RSPH14: variants seen among roughly 807,000 people sequenced by gnomAD.
RSPH14 encodes the protein rhabdoid tumor deletion region gene 1.
Under a neutral mutation model 26.7 loss-of-function variants are expected in RSPH14, and 20 were observed. The ratio of observed to expected loss-of-function variants is 0.75; its 90% CI spans 0.53 to 1.09. The LOEUF (loss-of-function observed/expected upper bound fraction) is 1.09, where lower values mean the gene tolerates loss of function less well. Ranked by LOEUF, RSPH14 falls within the 50% of genes least tolerant of loss-of-function variation. The pLI is 0.00. For missense variants in RSPH14, 449 were observed against 457.2 expected (o/e 0.98, Z 0.16); for synonymous variants, 177 against 189.3 (o/e 0.93, Z 0.53).
the RSPH14 span, among the ~76,000 whole-genome samples, chr22:23,172,648 G>A: frequency 4.9e-3 from 643 of 131,364 alleles, 5 homozygotes; most frequent in African/African-American, 0.018. Flanking sequence ...GCAAGAATCC[G>A]TCTCAAAAAA....
chr22:23,065,418 A>T (rs2146216260), intron 4 of RSPH14, among the ~76,000 whole-genome samples: 1 of 151,964 alleles, frequency 6.6e-6, no homozygotes, highest in African/African-American at 2.4e-5. Context: ...TCACTGTGGT[A>T]TCAGATGGAG....
intron 1 of RSPH14, 94 bp from the exon 2 acceptor site, chr22:23,140,566 AT>A: frequency 1.5e-6 from 2 of 1,335,060 alleles, no homozygotes; most frequent in Non-Finnish European, 2.0e-6. Flanking sequence ...GCAAATGGGT[AT>A]TTTTACTTTC....
chr22:23,128,028 T>C (rs1299925157), intron 4 of RSPH14, among the ~76,000 whole-genome samples: 1 of 152,094 alleles, frequency 6.6e-6, no homozygotes, highest in Non-Finnish European at 1.5e-5. Context: ...ATCATGCTGC[T>C]GCTAAAGCTG....
chr22:23,088,105 T>C (rs1213775556), intron 4 of RSPH14, among the ~76,000 whole-genome samples: 1 of 152,256 alleles, frequency 6.6e-6, no homozygotes, highest in Non-Finnish European at 1.5e-5. Flanking sequence ...AGAAGCAAGA[T>C]GGAGTCAGTT....
chr22:23,158,914 GCT>G, the RSPH14 span: 3 of 1,614,056 alleles, frequency 1.9e-6, no homozygotes, highest in African/African-American at 2.7e-5. Flanking sequence ...GTTGGAGGAT[GCT>G]CTGAGGGAGA....
the RSPH14 span, chr22:23,158,812 C>T: frequency 8.3e-7 from 1 of 1,205,218 alleles, no homozygotes; most frequent in East Asian, 2.4e-5. Context: ...GCACTTCAGC[C>T]CTGGGGAGGT....
intron 4 of RSPH14, among the ~76,000 whole-genome samples, chr22:23,106,229 C>G (rs2069471177): frequency 2.0e-5 from 3 of 152,200 alleles, no homozygotes; most frequent in African/African-American, 7.2e-5. Flanking sequence ...TGGTTGAGAT[C>G]TGGTGAGAGC....
Position 23,135,313 on chromosome 22 carries a change from AAT to A in RSPH14, c.303-1171_303-1170del, listed in dbSNP as rs1225485817. ...ACAGTGAAACCCCGCCTGTACTAAA[AAT>A]ACAAAAAAAAAAAAAAAAAAAAAAA... On this transcript the variant is annotated intron_variant, in intron 3 of 6. Transcript: ENST00000216036. Among the ~76,000 whole-genome samples the A allele has an allele frequency of 2.3e-3, 311 of 135,626 alleles. 1 individual carries two copies. The highest frequency in any genetic ancestry group is 3.1e-3 in the African/African-American group (111 of 36,148). 89.0% of individuals were successfully genotyped at this position (135,626 alleles called of 152,430 possible).
At chr22:23,144,467 T>C (rs947395119), upstream of RSPH14, among the ~76,000 whole-genome samples, 4 of 152,332 alleles carry the variant, frequency 2.6e-5, no homozygotes, top group Non-Finnish European at 5.9e-5. Flanking sequence ...TTGCGTTTAT[T>C]TTATAGTTGA....
chr22:23,135,819 A>C (rs1254641126), intron 3 of RSPH14, among the ~76,000 whole-genome samples: 1 of 152,102 alleles, frequency 6.6e-6, no homozygotes, highest in Non-Finnish European at 1.5e-5. Context: ...TTGATTAACC[A>C]ACTGACTGCT....
the RSPH14 span, among the ~76,000 whole-genome samples, chr22:23,160,464 A>G: frequency 1.3e-5 from 2 of 152,192 alleles, no homozygotes; most frequent in African/African-American, 2.4e-5. Context: ...GCTGACAGCA[A>G]ATCAATCCTC....
the RSPH14 span, among the ~76,000 whole-genome samples, chr22:23,172,736 G>A: frequency 1.3e-5 from 2 of 151,478 alleles, no homozygotes; most frequent in Admixed American, 6.6e-5. Context: ...GGATTGTGAG[G>A]TCAGGAGATC....
intron 4 of RSPH14, among the ~76,000 whole-genome samples, chr22:23,120,144 G>A (rs1016565261): frequency 2.0e-5 from 3 of 152,172 alleles, no homozygotes; most frequent in Admixed American, 6.5e-5. Context: ...ATAAGTACCT[G>A]AGTTTCCATG....
At chr22:23,100,885 C>T (rs886520853) in intron 4 of RSPH14, among the ~76,000 whole-genome samples, 6 of 152,170 alleles carry the variant, frequency 3.9e-5, no homozygotes, top group South Asian at 2.1e-4. Flanking sequence ...TGCCCAAGGC[C>T]GTCCTGTGAA....
At chr22:23,106,019 G>T (rs1057403037) in intron 4 of RSPH14, among the ~76,000 whole-genome samples, 1 of 152,154 alleles carries the variant, frequency 6.6e-6, no homozygotes, top group Non-Finnish European at 1.5e-5. Flanking sequence ...AGGCCCTTTC[G>T]GAGCAAATGC....
intron 4 of RSPH14, among the ~76,000 whole-genome samples, chr22:23,083,641 T>C (rs1321403361): frequency 2.0e-5 from 3 of 151,836 alleles, no homozygotes; most frequent in Non-Finnish European, 2.9e-5. Context: ...ACACAAGCCA[T>C]TGGAGGCGAA....
the RSPH14 span, among the ~76,000 whole-genome samples, chr22:23,171,572 G>A: frequency 8.8e-3 from 1,341 of 152,104 alleles, 10 homozygotes; most frequent in Non-Finnish European, 0.015. Context: ...TGCTGAGCGC[G>A]GTGGCTCACA....
chr22:23,130,131 GAAAGAA>G, intron 4 of RSPH14, among the ~76,000 whole-genome samples: 1 of 103,684 alleles, frequency 9.6e-6, no homozygotes, highest in Non-Finnish European at 2.1e-5. Context: ...AAGAAAGAAA[GAAAGAA>G]AGAAAGAAAG....
chr22:23,178,325 A>T, the RSPH14 span, among the ~76,000 whole-genome samples: 1 of 152,124 alleles, frequency 6.6e-6, no homozygotes, highest in African/African-American at 2.4e-5. Flanking sequence ...CTGAGGCAGC[A>T]GAATCACTTG....
Sources: gnomAD v4.1 joint callset for allele counts (sites outside exome capture counted in the v4.1 genomes callset) on GRCh38, gnomAD v4.1.1 for gene constraint, MANE v1.5 for transcripts, NCBI Gene and HGNC (gene_info 2026-07-23, HGNC 2026-07-21) for gene names.